EPB41L4A: variants seen among roughly 807,000 people sequenced by gnomAD.
The protein encoded by EPB41L4A is band 4.1-like protein 4A.
A neutral mutation model predicts 108.6 loss-of-function variants in EPB41L4A; 100 were observed. That is an observed-to-expected ratio of 0.92 (90% CI 0.78 to 1.09). The LOEUF (loss-of-function observed/expected upper bound fraction) is 1.09. Among genes scored for constraint, EPB41L4A ranks in the 50% least tolerant of loss-of-function variants. The pLI is 0.00. For missense variants in EPB41L4A, 1,030 were observed against 842.7 expected (o/e 1.22, Z -2.75); for synonymous variants, 319 against 289.0 (o/e 1.10, Z -1.05).
At chr5:112,260,054 A>C in intron 7 of EPB41L4A, 75 bp from the exon 8 acceptor site, 1 of 1,083,204 alleles carries the variant, frequency 9.2e-7, no homozygotes, top group Non-Finnish European at 1.4e-6. Flanking sequence ...TGACCATACA[A>C]ATATAATTTG....
chr5:112,194,883 A>G (rs189117670), intron 16 of EPB41L4A, among the ~76,000 whole-genome samples: 2 of 152,298 alleles, frequency 1.3e-5, no homozygotes, highest in Admixed American at 1.3e-4. Flanking sequence ...GATTAAGGTG[A>G]ATGTCAGTAT....
chr5:112,180,886 C>A (rs1202761479), intron 18 of EPB41L4A, among the ~76,000 whole-genome samples: 1 of 152,092 alleles, frequency 6.6e-6, no homozygotes, highest in Non-Finnish European at 1.5e-5. Flanking sequence ...TCCAATTAAA[C>A]TGGACAAAAA....
chr5:112,231,633 A>C (rs370186524), intron 12 of EPB41L4A, among the ~76,000 whole-genome samples: 63 of 148,918 alleles, frequency 4.2e-4, no homozygotes, highest in African/African-American at 1.4e-3. Flanking sequence ...AAAATACAAA[A>C]AAGTAGCCGG....
intron 13 of EPB41L4A, among the ~76,000 whole-genome samples, chr5:112,206,357 G>A (rs559366442): frequency 2.7e-5 from 4 of 149,916 alleles, no homozygotes; most frequent in African/African-American, 9.9e-5. Context: ...GAAAGATGAC[G>A]AGGTATTAAA....
chr5:112,284,563 C>G (rs1379269165), intron 2 of EPB41L4A, among the ~76,000 whole-genome samples: 1 of 152,114 alleles, frequency 6.6e-6, no homozygotes, highest in Non-Finnish European at 1.5e-5. Flanking sequence ...CAAATGTATA[C>G]TATGCAGTCT....
chr5:112,301,972 T>C (rs1342637013), intron 2 of EPB41L4A, among the ~76,000 whole-genome samples: 1 of 151,956 alleles, frequency 6.6e-6, no homozygotes, highest in African/African-American at 2.4e-5. Flanking sequence ...TTTAACGACA[T>C]AAAAGGAATA....
At chr5:112,259,772 C>A (rs1751363333) in intron 8 of EPB41L4A, 119 bp downstream of exon 8, 1 of 724,520 alleles carries the variant, frequency 1.4e-6, no homozygotes, top group South Asian at 1.7e-5. Flanking sequence ...CAATTTCACT[C>A]ATTTATTTAT....
intron 9 of EPB41L4A, chr5:112,249,152 C>G (rs1254470268): frequency 3.3e-5 from 5 of 152,112 alleles, no homozygotes; most frequent in Non-Finnish European, 7.4e-5. Flanking sequence ...AGAGAGGTTT[C>G]CTACTGATGC....
intron 1 of EPB41L4A, among the ~76,000 whole-genome samples, chr5:112,389,719 T>C (rs1386935280): frequency 1.3e-5 from 2 of 152,246 alleles, no homozygotes; most frequent in South Asian, 2.1e-4. Context: ...ACTCTACTTA[T>C]GGAAGGGTTG....
At chr5:112,393,417 C>A (rs9758991) in intron 1 of EPB41L4A, among the ~76,000 whole-genome samples, 1 of 151,994 alleles carries the variant, frequency 6.6e-6, no homozygotes, top group Non-Finnish European at 1.5e-5. Flanking sequence ...ATACCACCAC[C>A]GATCCCATAG....
At chr5:112,352,048 A>G (rs1405963670) in intron 1 of EPB41L4A, among the ~76,000 whole-genome samples, 2 of 152,190 alleles carry the variant, frequency 1.3e-5, no homozygotes, top group Non-Finnish European at 2.9e-5. Flanking sequence ...ATCATACTGA[A>G]TGGGGAAAAG....
chr5:112,287,245 C>A (rs1753349469), intron 2 of EPB41L4A, among the ~76,000 whole-genome samples: 1 of 152,052 alleles, frequency 6.6e-6, no homozygotes, highest in Admixed American at 6.6e-5. Flanking sequence ...TTTAGATGTC[C>A]AAAAGAAAAC....
intron 11 of EPB41L4A, among the ~76,000 whole-genome samples, chr5:112,238,089 A>G (rs1749484788): frequency 6.6e-6 from 1 of 152,232 alleles, no homozygotes; most frequent in South Asian, 2.1e-4. Flanking sequence ...AGCGTATGTT[A>G]AAGAGGATAA....
chr5:112,204,334 T>G (rs1380340087), intron 15 of EPB41L4A, 41 bp downstream of exon 15: 1 of 1,377,296 alleles, frequency 7.3e-7, no homozygotes. Context: ...ACAAAATGCT[T>G]CTGTTGAAAG....
rs969950788 is a variant in EPB41L4A, at chr5:112,170,463, T to A, written c.1671-94A>T. ...GCAGGTGAGTTTTCCCTTTCTAATCTTGTCCCAAAACAGTGTTAGTAAAAC... is the reference window on the plus strand; with the variant it reads ...GCAGGTGAGTTTTCCCTTTCTAATCATGTCCCAAAACAGTGTTAGTAAAAC... On this transcript the variant is annotated intron_variant, in intron 19 of 22. Transcript: ENST00000261486. 5 of 819,914 alleles carry A rather than the reference T, an allele frequency of 6.1e-6. No individual in the cohort carries two copies. In the African/African-American group the frequency reaches 8.7e-5, roughly 14 times the overall value. The allele number at this position is 819,914 out of a possible 1,614,324, so 50.8% of individuals were successfully genotyped here. A position where few individuals can be genotyped will look rare whatever the true frequency, so the allele number is the denominator to read the frequency against.
At chr5:112,348,901 A>G (rs891296862) in intron 1 of EPB41L4A, among the ~76,000 whole-genome samples, 9 of 152,338 alleles carry the variant, frequency 5.9e-5, no homozygotes, top group African/African-American at 2.2e-4. Context: ...GAGGAGTTTC[A>G]AATGAAGAAG....
At chr5:112,367,637 G>T (rs1369154740) in intron 1 of EPB41L4A, among the ~76,000 whole-genome samples, 3 of 152,112 alleles carry the variant, frequency 2.0e-5, no homozygotes, top group Non-Finnish European at 4.4e-5. Flanking sequence ...CACCATCCTG[G>T]GCAACACAGC....
At chr5:112,364,262 G>A (rs1224586575) in intron 1 of EPB41L4A, among the ~76,000 whole-genome samples, 1 of 152,186 alleles carries the variant, frequency 6.6e-6, no homozygotes, top group East Asian at 1.9e-4. Flanking sequence ...CTGACCTCAG[G>A]TGATCCATCT....
At chr5:112,397,262 G>A (rs1183820482) in intron 1 of EPB41L4A, among the ~76,000 whole-genome samples, 1 of 152,044 alleles carries the variant, frequency 6.6e-6, no homozygotes, top group Non-Finnish European at 1.5e-5. Context: ...AATTCCCAAG[G>A]AAATAACTTT....
Sources: allele counts gnomAD v4.1 joint callset (sites outside exome capture counted in the v4.1 genomes callset), GRCh38; gene constraint gnomAD v4.1.1; transcripts MANE v1.5; gene names NCBI Gene and HGNC (gene_info 2026-07-23, HGNC 2026-07-21).